TLCD1: variants seen among roughly 807,000 people sequenced by gnomAD.
TLCD1 encodes TLC domain-containing protein 1.
Under a neutral mutation model 21.2 loss-of-function variants are expected in TLCD1, and 21 were observed. The ratio of observed to expected loss-of-function variants is 0.99; its 90% CI spans 0.70 to 1.42. The LOEUF (loss-of-function observed/expected upper bound fraction) is 1.42, where lower values mean the gene tolerates loss of function less well. Ranked by LOEUF, TLCD1 falls within the 40% of genes most tolerant of loss-of-function variation. The pLI is 0.00. For missense variants in TLCD1, 344 were observed against 330.3 expected (o/e 1.04, Z -0.32); for synonymous variants, 168 against 134.8 (o/e 1.25, Z -1.71).
intron 1 of TLCD1, 34 bp from the exon 2 acceptor site, chr17:28,725,597 G>A (rs372254783): frequency 1.9e-6 from 3 of 1,606,448 alleles, no homozygotes; most frequent in Non-Finnish European, 2.6e-6. Context: ...TCTGCATTTC[G>A]GCACCCTCAA....
At chr17:28,724,963 G>A in intron 3 of TLCD1, 70 bp from the exon 4 acceptor site, 2 of 1,535,324 alleles carry the variant, frequency 1.3e-6, no homozygotes, top group Non-Finnish European at 1.8e-6. Context: ...TGGGGGGTGT[G>A]GCTATCAGAT....
Position 28,725,350 on chromosome 17 carries a change from C to G in TLCD1, c.314G>C (p.Ser105Thr), listed in dbSNP as rs201160951. The change falls in exon 3 of 4, where the codon AGC becomes ACC. Residue 105 changes from serine (S) to threonine (T), a missense_variant. Coordinates refer to ENST00000292090, the MANE Select transcript of TLCD1 (RefSeq NM_138463.4). ...FIHDTVDIVA[S>T]GQTRASWEYL... ...TTCCCAAGAGGCTCGCGTCTGTCCG[C>G]TAGCCACGATGTCCACCGTATCGTG... The G allele has an allele frequency of 9.2e-5, 148 of 1,612,144 alleles. No individual in the cohort carries two copies. The highest frequency in any genetic ancestry group is 1.2e-4 in the Non-Finnish European group (143 of 1,179,844).
At position 28,725,348 on chromosome 17, in the gene TLCD1, C is replaced by A; in HGVS notation, c.316G>T (p.Gly106Ter). 1 of 1,614,010 alleles carries A rather than the reference C, an allele frequency of 6.2e-7. No individual in the cohort carries two copies. The highest frequency in any genetic ancestry group is 8.5e-7 in the Non-Finnish European group (1 of 1,180,016). Residue 106 changes from glycine (G) to a stop codon, truncating the protein, a stop_gained, in exon 3 of 4, where the codon GGA (glycine) becomes TGA (stop). Coordinates refer to ENST00000292090, the MANE Select transcript of TLCD1 (RefSeq NM_138463.4). LOFTEE classifies it high-confidence loss of function. ...TATTCCCAAGAGGCTCGCGTCTGTC[C>A]GCTAGCCACGATGTCCACCGTATCG... Reference protein sequence around the residue: ...IHDTVDIVASGQTRASWEYLV... With the variant: ...IHDTVDIVAS
Position 28,725,521 on chromosome 17 carries a change from C to T in TLCD1, c.237G>A (p.Ala79=). The change falls in exon 2 of 4, where the codon GCG becomes GCA. Residue 79 remains alanine (A), a synonymous_variant. Coordinates refer to ENST00000292090, the MANE Select transcript of TLCD1 (RefSeq NM_138463.4). ...TPDMLVEIET[A]WSLSGYLLVC... ...CGAGCAAATAGCCAGAAAGTGACCA[C>T]GCCGTCTCAATCTCCACTAACATGT... The T allele has an allele frequency of 1.2e-6, 2 of 1,614,136 alleles. No homozygotes were observed. The highest frequency in any genetic ancestry group is 1.7e-6 in the Non-Finnish European group (2 of 1,180,012).
chr17:28,725,661 G>A (rs1257692198), intron 1 of TLCD1, 98 bp from the exon 2 acceptor site: 16 of 1,346,812 alleles, frequency 1.2e-5, no homozygotes, highest in African/African-American at 2.9e-5. Flanking sequence ...CTGGGCTCGC[G>A]CTAGTGGCTG....
intron 3 of TLCD1, 152 bp from the exon 4 acceptor site, chr17:28,725,045 G>C: frequency 1.0e-6 from 1 of 964,692 alleles, no homozygotes; most frequent in African/African-American, 1.7e-5. Flanking sequence ...TGTTTTGTTA[G>C]TTCAACATTA....
At position 28,726,086 on chromosome 17, in the gene TLCD1, C is replaced by A. The variant is rs140627753; in HGVS notation, c.12G>T (p.Leu4=). 6.1e-6 allele frequency: 9 copies of A among 1,467,010 alleles called. No individual in the cohort carries two copies. The East Asian group carries it at 7.9e-5, about 13-fold the overall frequency. 90.9% of individuals were successfully genotyped at this position (1,467,010 alleles called of 1,614,324 possible). MPR[L]LHPALPLLLG... ...GGAGCAGCGGCAGGGCGGGGTGCAG[C>A]AGTCGGGGCATGCTGGCCCTCCCTG... Residue 4 remains leucine, a synonymous_variant, in exon 1 of 4, where the codon CTG becomes CTT. Transcript: ENST00000292090.
At position 28,724,445 on chromosome 17, in the gene TLCD1, T is replaced by A; in HGVS notation, c.*65A>T. Reference sequence around the variant, plus strand: ...GAGGACACCCAGGCTTGGGGCTAAGTCCCAGTGTCCATATGAAGCTGTTTC... The same window carrying A: ...GAGGACACCCAGGCTTGGGGCTAAGACCCAGTGTCCATATGAAGCTGTTTC... On this transcript the variant is annotated 3_prime_UTR_variant, in exon 4 of 4. Coordinates refer to ENST00000292090, the MANE Select transcript of TLCD1 (RefSeq NM_138463.4). The A allele has an allele frequency of 6.4e-7, 1 of 1,566,234 alleles. No individual in the cohort carries two copies. The highest frequency in any genetic ancestry group is 8.7e-7 in the Non-Finnish European group (1 of 1,155,536).
upstream of TLCD1, chr17:28,727,599 C>T (rs1258453366): frequency 6.6e-6 from 1 of 152,302 alleles, no homozygotes; most frequent in East Asian, 1.9e-4. Flanking sequence ...CATCCTCCTC[C>T]TGAATACTGA....
At position 28,724,552 on chromosome 17, in the gene TLCD1, A is replaced by C; in HGVS notation, c.702T>G (p.His234Gln). 2 of 1,614,166 alleles carry C rather than the reference A, an allele frequency of 1.2e-6. No homozygotes were observed. Among genetic ancestry groups the C allele is most frequent in the African/African-American group, 1.3e-5 (1 of 75,024 alleles). ...TGTCTTTGTGTTGCTTCTTGGGGAC[A>C]TGCTCAGGGCAGAAGTCAGAGCGGA... ...RLLRSDFCPE[H>Q]VPKKQHKDKF... Residue 234 changes from histidine (H) to glutamine (Q), a missense_variant, in exon 4 of 4, where the codon CAT becomes CAG. By Grantham distance (24) the His-to-Gln change is conservative. Coordinates refer to ENST00000292090, the MANE Select transcript of TLCD1 (RefSeq NM_138463.4).
In TLCD1 at chr17:28,724,383, G is replaced by A. The variant is rs553486943; in HGVS notation, c.*127C>T. 10 of 1,194,044 alleles carry A rather than the reference G, an allele frequency of 8.4e-6. No homozygotes were observed. In the East Asian group the frequency reaches 1.9e-4, roughly 22 times the overall value. 74.0% of individuals were successfully genotyped at this position (1,194,044 alleles called of 1,614,324 possible). A position where few individuals can be genotyped will look rare whatever the true frequency, so the allele number is the denominator to read the frequency against. On this transcript the variant is annotated 3_prime_UTR_variant, in exon 4 of 4. Transcript: ENST00000292090. ...TACTTTCATTAGTGTTTTCAATAGT[G>A]TGGGCGCAGGCTCAGAAGGTGGAGA...
chr17:28,726,306 C>CCCGCCTGCCCCCGCCCCGT (rs1311896460), upstream of TLCD1: 5 of 1,024,304 alleles, frequency 4.9e-6, no homozygotes, highest in Non-Finnish European at 6.1e-6. Flanking sequence ...CCCCGCCCCG[C>CCCGCCTGCCCCCGCCCCGT]CCGCCTGCCC....
chr17:28,724,625 A>G lies in TLCD1; in HGVS notation c.629T>C (p.Ile210Thr). Residue 210 changes from isoleucine (I) to threonine (T), a missense_variant, in exon 4 of 4, where the codon ATC (isoleucine) becomes ACC (threonine). Coordinates refer to ENST00000292090, the MANE Select transcript of TLCD1 (RefSeq NM_138463.4). Reference protein sequence around the residue: ...QRTLGTFLLGILLMLDVMIII... With the variant: ...QRTLGTFLLGTLLMLDVMIII... The stretch of plus-strand genomic sequence containing the variant: ...GATCATCACGTCCAGCATGAGCAGG[A>G]TACCCAGCAGGAAGGTGCCCAGGGT... 6.2e-7 allele frequency: 1 copy of G among 1,614,144 alleles called. No homozygotes were observed. Among genetic ancestry groups the G allele is most frequent in the Non-Finnish European group, 8.5e-7 (1 of 1,180,020 alleles).
chr17:28,726,959 C>A, upstream of TLCD1: 1 of 733,576 alleles, frequency 1.4e-6, no homozygotes, highest in Non-Finnish European at 2.3e-6. Flanking sequence ...CCCGCGCTCT[C>A]CAAGCCGGTA....
chr17:28,724,381 G>A lies in TLCD1; in HGVS notation c.*129C>T. 2 of 1,179,134 alleles carry A rather than the reference G, an allele frequency of 1.7e-6. No individual in the cohort carries two copies. The highest frequency in any genetic ancestry group is 4.4e-5 in the Admixed American group (2 of 44,978). 73.0% of individuals were successfully genotyped at this position (1,179,134 alleles called of 1,614,324 possible). On this transcript the variant is annotated 3_prime_UTR_variant, in exon 4 of 4. Transcript: ENST00000292090. The stretch of plus-strand genomic sequence containing the variant: ...AGTACTTTCATTAGTGTTTTCAATA[G>A]TGTGGGCGCAGGCTCAGAAGGTGGA...
chr17:28,725,366 C>T lies in TLCD1; in HGVS notation c.298G>A (p.Val100Met), dbSNP rs555266561. 6.2e-7 allele frequency: 1 copy of T among 1,614,160 alleles called. No individual in the cohort carries two copies. Among genetic ancestry groups the T allele is most frequent in the Admixed American group, 1.7e-5 (1 of 60,028 alleles). ...GTCTGTCCGCTAGCCACGATGTCCA[C>T]CGTATCGTGGATGAAATACCCTAGT... is the stretch of plus-strand genomic sequence containing the variant. ...FSAGYFIHDT[V>M]DIVASGQTRA... is the part of the protein sequence containing the mutation. Residue 100 changes from valine (V) to methionine (M), a missense_variant, in exon 3 of 4, where the codon GTG becomes ATG. Val to Met is a conservative substitution (Grantham distance 21). Transcript: ENST00000292090.
chr17:28,725,571 G>C lies in TLCD1; in HGVS notation c.195-8C>G, dbSNP rs756648163. The C allele has an allele frequency of 6.2e-7, 1 of 1,613,660 alleles. No homozygotes were observed. The highest frequency in any genetic ancestry group is 1.1e-5 in the South Asian group (1 of 91,054). ...TCAGGAGTCTGCCATACACTGGAAAGGAGGGAAGAGGAGGCTCTGCATTTC... is the reference window on the plus strand; with the variant it reads ...TCAGGAGTCTGCCATACACTGGAAACGAGGGAAGAGGAGGCTCTGCATTTC... On this transcript the variant is annotated splice_region_variant and splice_polypyrimidine_tract_variant and intron_variant, in intron 1 of 3. Transcript: ENST00000292090.
At position 28,725,557 on chromosome 17, in the gene TLCD1, C is replaced by T. The variant is rs1488965693; in HGVS notation, c.201G>A (p.Trp67Ter). The change falls in exon 2 of 4, where the codon TGG becomes TGA. Residue 67 changes from tryptophan to a stop codon, truncating the protein, a stop_gained. Transcript: ENST00000292090. LOFTEE classifies it high-confidence loss of function. ...TCTCCACTAACATGTCAGGAGTCTG[C>T]CATACACTGGAAAGGAGGGAAGAGG... ...VSGIWALLCV[W>*]QTPDMLVEIE... The T allele has an allele frequency of 1.2e-6, 2 of 1,614,042 alleles. No individual in the cohort carries two copies.
chr17:28,727,616 C>CTTT (rs1384550776), upstream of TLCD1: 3 of 146,272 alleles, frequency 2.1e-5, no homozygotes, highest in African/African-American at 2.6e-5. Flanking sequence ...CTGATGTTTT[C>CTTT]TTTCTTTCTT....
Sources: gnomAD v4.1 joint callset for allele counts on GRCh38, gnomAD v4.1.1 for gene constraint, MANE v1.5 for transcripts, NCBI Gene and HGNC (gene_info 2026-07-23, HGNC 2026-07-21) for gene names.